The following MAGI2 variants were observed in gnomAD, a reference collection of about 807,000 sequenced individuals.
The protein encoded by MAGI2 is membrane associated guanylate kinase, WW and PDZ domain containing 2, also known as membrane-associated guanylate kinase, WW and PDZ domain-containing protein 2.
In MAGI2, 35 loss-of-function variants were observed where a neutral mutation model predicts 133.3. The ratio of observed to expected loss-of-function variants is 0.26; its 90% confidence interval spans 0.20 to 0.35. MAGI2 has a LOEUF of 0.35. Among genes scored for constraint, MAGI2 ranks in the 10% least tolerant of loss-of-function variants. The pLI is 1.00. For synonymous variants in MAGI2, 729 were observed against 710.6 expected (o/e 1.03, Z -0.41); for missense variants, 1,636 against 1,863.4 (o/e 0.88, Z 2.25).
rs185994835 is a variant in MAGI2 at position 79,264,735 on chromosome 7, A to G, written c.301+188285T>C. 2.6e-5 allele frequency among the ~76,000 whole-genome samples: 4 copies of G among 152,198 alleles called. No homozygotes were observed. The East Asian group carries it at 7.8e-4, about 30-fold the overall frequency. The stretch of plus-strand genomic sequence containing the variant: ...TTTGACTCATGATTCTAATGTCAGG[A>G]AAGGTTCAGACATCAGAACCTGGTT... On this transcript the variant is annotated intron_variant, in intron 1 of 21. Transcript: ENST00000354212.
At chr7:78,368,585 C>A (rs1793615603) in intron 7 of MAGI2, among the ~76,000 whole-genome samples, 1 of 151,868 alleles carries the variant, frequency 6.6e-6, no homozygotes, top group African/African-American at 2.4e-5. Flanking sequence ...TATAATTTAA[C>A]CCTGAATAGT....
At chr7:79,139,374 T>C (rs1419157401) in intron 1 of MAGI2, among the ~76,000 whole-genome samples, 2 of 152,194 alleles carry the variant, frequency 1.3e-5, no homozygotes, top group East Asian at 3.9e-4. Flanking sequence ...CCAACAATTC[T>C]ACAAAGGTGA....
At chr7:78,983,070 A>G (rs909278320) in intron 2 of MAGI2, among the ~76,000 whole-genome samples, 6 of 151,972 alleles carry the variant, frequency 3.9e-5, no homozygotes, top group African/African-American at 1.4e-4. Flanking sequence ...TAGAAATTTG[A>G]TTACATGTTA....
At chr7:78,530,826 CTAAGA>C (rs1797405146) in intron 3 of MAGI2, among the ~76,000 whole-genome samples, 2 of 152,066 alleles carry the variant, frequency 1.3e-5, no homozygotes, top group Non-Finnish European at 2.9e-5. Context: ...AGAAACTAAA[CTAAGA>C]TGTCAAGGAT....
intron 1 of MAGI2, among the ~76,000 whole-genome samples, chr7:79,397,233 T>C (rs562218727): frequency 6.6e-6 from 1 of 150,448 alleles, no homozygotes; most frequent in South Asian, 2.1e-4. Context: ...TGCGTGTGTA[T>C]ATTTATGTTA....
intron 1 of MAGI2, among the ~76,000 whole-genome samples, chr7:79,154,407 C>A (rs1159159263): frequency 6.6e-6 from 1 of 152,120 alleles, no homozygotes; most frequent in Admixed American, 6.6e-5. Flanking sequence ...TACATTTGAT[C>A]TTGTTTTGAC....
intron 9 of MAGI2, among the ~76,000 whole-genome samples, chr7:78,291,672 A>C (rs1796721704): frequency 6.6e-6 from 1 of 152,228 alleles, no homozygotes; most frequent in Non-Finnish European, 1.5e-5. Context: ...ACATCGATGC[A>C]AAAATCCTCA....
chr7:79,123,578 G>A (rs1488220728), intron 1 of MAGI2, among the ~76,000 whole-genome samples: 2 of 151,986 alleles, frequency 1.3e-5, no homozygotes, highest in Non-Finnish European at 1.5e-5. Flanking sequence ...CTGAGATCAG[G>A]AGTTTGAGAC....
chr7:78,827,088 A>G (rs1207129563), intron 2 of MAGI2, among the ~76,000 whole-genome samples: 1 of 152,136 alleles, frequency 6.6e-6, no homozygotes, highest in Non-Finnish European at 1.5e-5. Flanking sequence ...ATACAGCTTC[A>G]TATAGATACA....
intron 1 of MAGI2, among the ~76,000 whole-genome samples, chr7:79,279,541 C>G (rs188182546): frequency 6.6e-6 from 1 of 152,092 alleles, no homozygotes; most frequent in Non-Finnish European, 1.5e-5. Context: ...TGGTGGCTCA[C>G]GCCTGTAATC....
rs138325261 is a variant in MAGI2 at position 78,069,391 on chromosome 7, G to A, written c.3706+9556C>T. ...AACTGACTCAGTCAGAATCTCCAGA[G>A]GGTATGTGGAGAGCGAGAGGGAATG... On this transcript the variant is annotated intron_variant, in intron 21 of 21. Transcript: ENST00000354212. Among the ~76,000 whole-genome samples the A allele has an allele frequency of 2.7e-3, 411 of 152,256 alleles. 1 individual carries two copies. Among genetic ancestry groups the A allele is most frequent in the African/African-American group, 9.7e-3 (402 of 41,552 alleles).
intron 9 of MAGI2, among the ~76,000 whole-genome samples, chr7:78,318,927 G>T (rs1787705626): frequency 6.6e-6 from 1 of 152,162 alleles, no homozygotes; most frequent in Admixed American, 6.5e-5. Context: ...GACAGATTTT[G>T]TCACAACCAG....
chr7:78,265,884 C>T (rs998967186), intron 9 of MAGI2, among the ~76,000 whole-genome samples: 1 of 152,200 alleles, frequency 6.6e-6, no homozygotes, highest in African/African-American at 2.4e-5. Context: ...TCCAACATAG[C>T]GTAGCAAGTA....
In MAGI2 at chr7:79,189,176, A is replaced by G. The variant is rs145361682; in HGVS notation, c.302-181970T>C. On this transcript the variant is annotated intron_variant, in intron 1 of 21. Coordinates refer to ENST00000354212, the MANE Select transcript of MAGI2 (RefSeq NM_012301.4). Reference sequence around the variant, plus strand: ...AGATATTTCTTTTTAGTAATTTGATACATTTTGACAAATTACCACACAGAA... The same window carrying G: ...AGATATTTCTTTTTAGTAATTTGATGCATTTTGACAAATTACCACACAGAA... Among the ~76,000 whole-genome samples, 28 of 151,810 alleles carry G rather than the reference A, an allele frequency of 1.8e-4. 1 individual carries two copies. Among genetic ancestry groups the G allele is most frequent in the African/African-American group, 6.0e-4 (25 of 41,328 alleles).
chr7:79,406,826 A>G, intron 1 of MAGI2, among the ~76,000 whole-genome samples: 1 of 152,324 alleles, frequency 6.6e-6, no homozygotes, highest in East Asian at 1.9e-4. Context: ...TGCCCCAAAG[A>G]AAGCTGAAAA....
intron 6 of MAGI2, among the ~76,000 whole-genome samples, chr7:78,461,187 C>A (rs1789946718): frequency 6.6e-6 from 1 of 151,892 alleles, no homozygotes; most frequent in South Asian, 2.1e-4. Flanking sequence ...TATTTGAGTG[C>A]CTACTGTTTG....
intron 6 of MAGI2, among the ~76,000 whole-genome samples, chr7:78,475,652 G>T (rs1218485313): frequency 1.3e-5 from 2 of 151,632 alleles, no homozygotes; most frequent in Non-Finnish European, 2.9e-5. Flanking sequence ...AATGAGAAAT[G>T]AATATAGCAC....
intron 2 of MAGI2, among the ~76,000 whole-genome samples, chr7:78,662,776 G>T (rs1813115360): frequency 6.6e-6 from 1 of 152,188 alleles, no homozygotes; most frequent in African/African-American, 2.4e-5. Context: ...AATTAGAATG[G>T]TTGTGTGTAT....
chr7:78,787,402 A>C (rs1826925840), intron 2 of MAGI2, among the ~76,000 whole-genome samples: 1 of 152,148 alleles, frequency 6.6e-6, no homozygotes, highest in Non-Finnish European at 1.5e-5. Context: ...GTATCTCATT[A>C]AGTTATCTCA....
Sources: gnomAD v4.1 joint callset for allele counts (sites outside exome capture counted in the v4.1 genomes callset) on GRCh38, gnomAD v4.1.1 for gene constraint, MANE v1.5 for transcripts, NCBI Gene and HGNC (gene_info 2026-07-23, HGNC 2026-07-21) for gene names.